Variants in ALKBH3 observed in about 807,000 individuals in gnomAD.
The protein encoded by ALKBH3 is alpha-ketoglutarate-dependent dioxygenase alkB homolog 3.
ALKBH3 carries 51 observed loss-of-function variants against 43.9 expected under a neutral mutation model. The ratio of observed to expected loss-of-function variants is 1.16; its 90% CI spans 0.93 to 1.47. The LOEUF is 1.47. ALKBH3 is among the 40% of genes most tolerant of loss of function. ALKBH3 has a pLI of 0.00. For synonymous variants in ALKBH3, 102 were observed against 115.2 expected (o/e 0.89, Z 0.73); for missense variants, 361 against 351.9 (o/e 1.03, Z -0.21).
chr11:43,900,215 A>AATTTTTTTTTTTTTTTTT, intron 7 of ALKBH3, among the ~76,000 whole-genome samples: 1 of 87,170 alleles, frequency 1.1e-5, no homozygotes, highest in Middle Eastern at 0.011. Flanking sequence ...TTTTAATTTA[A>AATTTTTTTTTTTTTTTTT]TTTTTTTTTT....
chr11:43,896,950 T>G (rs890417340), intron 7 of ALKBH3, among the ~76,000 whole-genome samples: 1 of 152,106 alleles, frequency 6.6e-6, no homozygotes, highest in Non-Finnish European at 1.5e-5. Context: ...GCATTTTTTT[T>G]TTAGAGACAC....
At chr11:43,884,991 A>G (rs35261710) in intron 4 of ALKBH3, among the ~76,000 whole-genome samples, 5 of 152,074 alleles carry the variant, frequency 3.3e-5, no homozygotes, top group Admixed American at 6.6e-5. Context: ...CCTGGGCTGA[A>G]ATGATCCTCC....
At chr11:43,884,375 C>CTTTTTTTTTTTTTT (rs113557050) in intron 4 of ALKBH3, among the ~76,000 whole-genome samples, 1 of 134,118 alleles carries the variant, frequency 7.5e-6, no homozygotes, top group African/African-American at 2.8e-5. Context: ...TTAATTGCCT[C>CTTTTTTTTTTTTTT]TTTTTTTTTT....
At position 43,920,035 on chromosome 11, in the gene ALKBH3, T is replaced by A. The variant is rs1323584194; in HGVS notation, c.*25T>A. 1 of 1,596,100 alleles carries A rather than the reference T, an allele frequency of 6.3e-7. No individual in the cohort carries two copies. The highest frequency in any genetic ancestry group is 8.6e-7 in the Non-Finnish European group (1 of 1,164,130). On this transcript the variant is annotated 3_prime_UTR_variant, in exon 10 of 10. Transcript: ENST00000302708. Reference sequence around the variant, plus strand: ...ACGTCAGAGCTTTGAGAGAGAAGCTTCACTGAAACGGAGCAAACCTTCCAC... The same window carrying A: ...ACGTCAGAGCTTTGAGAGAGAAGCTACACTGAAACGGAGCAAACCTTCCAC...
At chr11:43,911,107 A>G (rs1951935179) in intron 8 of ALKBH3, among the ~76,000 whole-genome samples, 1 of 152,246 alleles carries the variant, frequency 6.6e-6, no homozygotes, top group South Asian at 2.1e-4. Flanking sequence ...TTATTTTAGA[A>G]GATCACTGTG....
At chr11:43,885,625 C>T (rs948877591) in intron 4 of ALKBH3, among the ~76,000 whole-genome samples, 4 of 152,186 alleles carry the variant, frequency 2.6e-5, no homozygotes, top group Non-Finnish European at 5.9e-5. Context: ...TGGGCCTCAC[C>T]ACCTGGCAGT....
chr11:43,902,252 C>G (rs1312231570), intron 8 of ALKBH3, among the ~76,000 whole-genome samples: 1 of 152,134 alleles, frequency 6.6e-6, no homozygotes, highest in African/African-American at 2.4e-5. Flanking sequence ...GAATCTAACT[C>G]TTTCAGAGAG....
chr11:43,914,105 A>G (rs1454787495), intron 8 of ALKBH3, among the ~76,000 whole-genome samples: 2 of 152,150 alleles, frequency 1.3e-5, no homozygotes, highest in African/African-American at 4.8e-5. Context: ...TGTGACCCCT[A>G]CAGTATAGTC....
At position 43,897,422 on chromosome 11, in the gene ALKBH3, A is replaced by G. The variant is rs570309961; in HGVS notation, c.460-4094A>G. 110 of 733,716 alleles carry G rather than the reference A, an allele frequency of 1.5e-4. 1 individual carries two copies. In the African/African-American group the frequency reaches 1.6e-3, roughly 11 times the overall value. The allele number at this position is 733,716 out of a possible 1,614,324, so 45.5% of individuals were successfully genotyped here. On this transcript the variant is annotated intron_variant, in intron 7 of 9. Coordinates refer to ENST00000302708, the MANE Select transcript of ALKBH3 (RefSeq NM_139178.4). ...ATACTTAATGATTATCCTTGGCAAG[A>G]CAGGTGTGAAAGGATTGCTGTTGTA...
At position 43,886,556 on chromosome 11, in the gene ALKBH3, G is replaced by C. The variant is rs373068984; in HGVS notation, c.219-50G>C. 3.2e-6 allele frequency: 5 copies of C among 1,579,624 alleles called. No homozygotes were observed. In the South Asian group the frequency reaches 5.5e-5, roughly 18 times the overall value. Reference sequence around the variant, plus strand: ...AAGGATAACTCTTCCACTGGGTATAGCATATTGTTTTGCCTCAAACTAACA... The same window carrying C: ...AAGGATAACTCTTCCACTGGGTATACCATATTGTTTTGCCTCAAACTAACA... On this transcript the variant is annotated intron_variant, in intron 4 of 9. Coordinates refer to ENST00000302708, the MANE Select transcript of ALKBH3 (RefSeq NM_139178.4).
intron 7 of ALKBH3, chr11:43,899,318 C>T (rs1407351579): frequency 1.4e-6 from 1 of 699,016 alleles, no homozygotes; most frequent in Non-Finnish European, 2.7e-6. Flanking sequence ...CTGCATCCTG[C>T]AGTGGAAATT....
intron 5 of ALKBH3, among the ~76,000 whole-genome samples, chr11:43,887,179 A>G (rs1423184258): frequency 6.6e-6 from 1 of 152,228 alleles, no homozygotes; most frequent in African/African-American, 2.4e-5. Context: ...AAAATTTGAT[A>G]ATATCTCCTT....
rs35184781 is a variant in ALKBH3 at position 43,889,261 on chromosome 11, G to A, written c.267-464G>A. ...GCTGGTCTCGAACTCCTGACCTCAGGTGATCCACCCGCTTGAGCCTCCCAA... is the reference window on the plus strand; with the variant it reads ...GCTGGTCTCGAACTCCTGACCTCAGATGATCCACCCGCTTGAGCCTCCCAA... On this transcript the variant is annotated intron_variant, in intron 5 of 9. Coordinates refer to ENST00000302708, the MANE Select transcript of ALKBH3 (RefSeq NM_139178.4). 9.6e-3 allele frequency among the ~76,000 whole-genome samples: 1,464 copies of A among 152,300 alleles called. 28 individuals are homozygous for A. Among genetic ancestry groups the A allele is most frequent in the African/African-American group, 0.034 (1,407 of 41,556 alleles).
intron 3 of ALKBH3, 127 bp from the exon 4 acceptor site, chr11:43,883,856 T>G: frequency 8.9e-6 from 10 of 1,117,820 alleles, no homozygotes; most frequent in Non-Finnish European, 1.2e-5. Context: ...AGTGGGTTAG[T>G]GAGAAGTTGG....
At chr11:43,888,768 G>A (rs1377693219) in intron 5 of ALKBH3, among the ~76,000 whole-genome samples, 6 of 152,224 alleles carry the variant, frequency 3.9e-5, no homozygotes, top group Non-Finnish European at 8.8e-5. Context: ...CCTTCAAAGA[G>A]TGAAGATTTG....
intron 8 of ALKBH3, among the ~76,000 whole-genome samples, chr11:43,915,396 G>A (rs1461617513): frequency 6.6e-6 from 1 of 151,956 alleles, no homozygotes; most frequent in Non-Finnish European, 1.5e-5. Flanking sequence ...AAAGCAGTTT[G>A]GTAATATAAA....
intron 6 of ALKBH3, among the ~76,000 whole-genome samples, chr11:43,891,055 T>C (rs1437177976): frequency 6.6e-6 from 1 of 152,174 alleles, no homozygotes; most frequent in Non-Finnish European, 1.5e-5. Context: ...TTTTGATCCA[T>C]GGTTTGAGTA....
At chr11:43,904,301 G>T (rs762808332) in intron 8 of ALKBH3, among the ~76,000 whole-genome samples, 21 of 152,234 alleles carry the variant, frequency 1.4e-4, no homozygotes, top group Non-Finnish European at 7.3e-5. Flanking sequence ...TGAGGAAAGG[G>T]ATTTGGGAAG....
chr11:43,887,481 C>T (rs910054264), intron 5 of ALKBH3, among the ~76,000 whole-genome samples: 18 of 150,838 alleles, frequency 1.2e-4, no homozygotes, highest in African/African-American at 4.2e-4. Context: ...CTACTTTTTT[C>T]GTATTTTTAA....
Sources: gnomAD v4.1 joint callset for allele counts (sites outside exome capture counted in the v4.1 genomes callset) on GRCh38, gnomAD v4.1.1 for gene constraint, MANE v1.5 for transcripts, NCBI Gene and HGNC (gene_info 2026-07-23, HGNC 2026-07-21) for gene names.